The following CAST variants were observed in gnomAD, a reference collection of about 807,000 sequenced individuals.
The protein encoded by CAST is calpastatin, also known as MIR583 host.
Under a neutral mutation model 119.6 loss-of-function variants are expected in CAST, and 76 were observed. The observed-to-expected ratio is 0.64, with a 90% CI of 0.53 to 0.77. CAST has a LOEUF of 0.77. Among genes scored for constraint, CAST ranks in the 30% least tolerant of loss-of-function variants. The pLI is 0.00. For missense variants in CAST, 953 were observed against 946.5 expected, an observed-to-expected ratio of 1.01 and a Z score of -0.09; for synonymous variants, 319 against 331.6, an observed-to-expected ratio of 0.96 and a Z score of 0.41.
At chr5:96,374,486 G>A in the CAST span, among the ~76,000 whole-genome samples, 2 of 152,284 alleles carry the variant, frequency 1.3e-5, no homozygotes, top group East Asian at 3.9e-4. Context: ...CTCAAGGTGT[G>A]AAAGGTAAGG....
At chr5:96,363,533 C>T in the CAST span, among the ~76,000 whole-genome samples, 1 of 152,252 alleles carries the variant, frequency 6.6e-6, no homozygotes, top group Non-Finnish European at 1.5e-5. Context: ...TGTAGTTCTC[C>T]TTGAAGAGGT....
At chr5:96,247,637 G>GT in the CAST span, 2 of 152,236 alleles carry the variant, frequency 1.3e-5, no homozygotes, top group Non-Finnish European at 2.9e-5. Flanking sequence ...TGGGTCCTGA[G>GT]TTACAGCAGG....
the CAST span, among the ~76,000 whole-genome samples, chr5:95,969,596 G>C: frequency 2.6e-5 from 4 of 152,076 alleles, no homozygotes; most frequent in Non-Finnish European, 5.9e-5. Context: ...TGATGGGAAT[G>C]GAGAAAAGGA....
chr5:96,008,166 G>A, the CAST span, among the ~76,000 whole-genome samples: 1 of 152,272 alleles, frequency 6.6e-6, no homozygotes, highest in Admixed American at 6.5e-5. Flanking sequence ...ATAGCAACCT[G>A]AGCTAAGATG....
chr5:96,129,365 T>G, the CAST span, among the ~76,000 whole-genome samples: 1 of 152,074 alleles, frequency 6.6e-6, no homozygotes, highest in Non-Finnish European at 1.5e-5. Context: ...TTGAGTGGAT[T>G]TGTTTCATGA....
chr5:95,985,167 AG>A, the CAST span, among the ~76,000 whole-genome samples: 1 of 152,112 alleles, frequency 6.6e-6, no homozygotes, highest in Non-Finnish European at 1.5e-5. Flanking sequence ...TTTTAAAATT[AG>A]CTGGGTGTAG....
rs1409720492 is a variant in CAST, at chr5:96,729,661, A to G, written c.485A>G (p.His162Arg). 1.2e-6 allele frequency: 2 copies of G among 1,606,120 alleles called. No individual in the cohort carries two copies. Among genetic ancestry groups the G allele is most frequent in the Admixed American group, 3.3e-5 (2 of 59,994 alleles). The change falls in exon 8 of 32, where the codon CAC becomes CGC. Residue 162 changes from histidine (H) to arginine (R), a missense_variant. Transcript: ENST00000675179. ...TCAGATACAGGAAGTAACGATGCTC[A>G]CAATAAAAAAGCAGTTTCCAGATCA... ...QASDTGSNDA[H>R]NKKAVSRSAE...
intron 2 of CAST, among the ~76,000 whole-genome samples, chr5:96,689,069 T>G (rs910109329): frequency 6.6e-6 from 1 of 152,074 alleles, no homozygotes; most frequent in African/African-American, 2.4e-5. Context: ...AGACAGAAAA[T>G]AAGAACAAAG....
At chr5:96,130,123 C>T in the CAST span, among the ~76,000 whole-genome samples, 10 of 148,128 alleles carry the variant, frequency 6.8e-5, no homozygotes, top group Non-Finnish European at 1.0e-4. Flanking sequence ...GAGTAACTTA[C>T]AATGGAGAAA....
intron 1 of CAST, among the ~76,000 whole-genome samples, chr5:96,533,204 T>C (rs1745722703): frequency 1.3e-5 from 2 of 152,164 alleles, no homozygotes; most frequent in Non-Finnish European, 2.9e-5. Flanking sequence ...TGAACTTTTA[T>C]ATATGCAAGG....
At chr5:96,020,998 A>G in the CAST span, among the ~76,000 whole-genome samples, 1 of 152,172 alleles carries the variant, frequency 6.6e-6, no homozygotes, top group East Asian at 1.9e-4. Flanking sequence ...TGATTCTAAG[A>G]TTAGTCAGAA....
chr5:95,980,227 G>A, the CAST span: 1 of 152,172 alleles, frequency 6.6e-6, no homozygotes. Flanking sequence ...AGTATACCTA[G>A]GTACTGACAG....
chr5:95,977,810 A>C, the CAST span, among the ~76,000 whole-genome samples: 1 of 151,882 alleles, frequency 6.6e-6, no homozygotes, highest in East Asian at 1.9e-4. Flanking sequence ...CGCACCCTAC[A>C]CTCTCAGGAA....
At chr5:96,521,123 G>A (rs1240648437), upstream of CAST, among the ~76,000 whole-genome samples, 1 of 152,128 alleles carries the variant, frequency 6.6e-6, no homozygotes, top group African/African-American at 2.4e-5. Context: ...CCTCTTCCAT[G>A]GACTGTGAGT....
rs767154761 is a variant in CAST, at chr5:96,564,163, C to A, written c.60+34283C>A. ...CAGGAAAAAGATCCACTTTTATTAA[C>A]CCACAGTCACCAATTACCTTCATTT... On this transcript the variant is annotated intron_variant, in intron 1 of 11. Transcript: ENST00000505143. Among the ~76,000 whole-genome samples the A allele has an allele frequency of 3.2e-4, 49 of 152,152 alleles. 1 individual carries two copies. Among genetic ancestry groups the A allele is most frequent in the Non-Finnish European group, 6.3e-4 (43 of 68,026 alleles).
At chr5:96,306,577 T>C in the CAST span, among the ~76,000 whole-genome samples, 28 of 152,344 alleles carry the variant, frequency 1.8e-4, no homozygotes, top group African/African-American at 6.3e-4. Flanking sequence ...CTTTCCCTTA[T>C]GTGCATTTAG....
chr5:96,092,908 T>G, the CAST span, among the ~76,000 whole-genome samples: 1 of 152,206 alleles, frequency 6.6e-6, no homozygotes, highest in Admixed American at 6.5e-5. Flanking sequence ...ACAGAGCTAT[T>G]TAGCGGCAGA....
the CAST span, among the ~76,000 whole-genome samples, chr5:96,113,618 G>A: frequency 6.6e-6 from 1 of 152,230 alleles, no homozygotes; most frequent in African/African-American, 2.4e-5. Flanking sequence ...GGCAAAAGAC[G>A]CCTTTCAGCT....
Position 96,741,496 on chromosome 5 carries a change from A to G in CAST, c.1014A>G (p.Glu338=), listed in dbSNP as rs779257769. 1 of 1,610,956 alleles carries G rather than the reference A, an allele frequency of 6.2e-7. No individual in the cohort carries two copies. Among genetic ancestry groups the G allele is most frequent in the Non-Finnish European group, 8.5e-7 (1 of 1,177,266 alleles). ...TAAGKKTEKE[E]STEVLKAQSA... is the part of the protein sequence containing the mutation. ...ATCTTTTGTATTTTGTTTTTCAGGAATCTACAGAAGTTTTAAAAGCTCAGT... is the reference window on the plus strand; with the variant it reads ...ATCTTTTGTATTTTGTTTTTCAGGAGTCTACAGAAGTTTTAAAAGCTCAGT... Residue 338 remains glutamate, a splice_region_variant and synonymous_variant, in exon 15 of 32, where the codon GAA becomes GAG. Coordinates refer to ENST00000675179, the MANE Select transcript of CAST (RefSeq NM_001750.7).
Sources: allele counts gnomAD v4.1 joint callset (sites outside exome capture counted in the v4.1 genomes callset), GRCh38; gene constraint gnomAD v4.1.1; transcripts MANE v1.5; gene names NCBI Gene and HGNC (gene_info 2026-07-23, HGNC 2026-07-21).